VAPB: variants seen among roughly 807,000 people sequenced by gnomAD.
VAPB encodes the protein vesicle-associated membrane protein-associated protein B/C.
VAPB carries 7 observed loss-of-function variants against 25.6 expected under a neutral mutation model. The ratio of observed to expected loss-of-function variants is 0.27; its 90% CI spans 0.16 to 0.51. VAPB has a LOEUF of 0.51. VAPB is among the 20% of genes least tolerant of loss of function. The probability of loss-of-function intolerance (pLI) is 0.97; values close to 1 mark genes in which losing one functional copy is unlikely to be tolerated. For missense variants in VAPB, 266 were observed against 301.3 expected (o/e 0.88, Z 0.87); for synonymous variants, 112 against 109.2 (o/e 1.03, Z -0.16).
chr20:58,396,061 G>A (rs1021438914), intron 1 of VAPB, among the ~76,000 whole-genome samples: 1 of 152,162 alleles, frequency 6.6e-6, no homozygotes, highest in African/African-American at 2.4e-5. Flanking sequence ...GGGTTTGGGG[G>A]TTGGGAAGCA....
At chr20:58,423,216 A>AT (rs1447374497) in intron 2 of VAPB, among the ~76,000 whole-genome samples, 1 of 151,948 alleles carries the variant, frequency 6.6e-6, no homozygotes, top group East Asian at 1.9e-4. Flanking sequence ...ATTCGAGACC[A>AT]TCCTGACCAA....
chr20:58,443,443 C>T (rs1020342662), intron 5 of VAPB, among the ~76,000 whole-genome samples: 4 of 144,998 alleles, frequency 2.8e-5, no homozygotes, highest in Non-Finnish European at 4.5e-5. Context: ...ACTCTGTCAC[C>T]CCAGGCTAAT....
chr20:58,432,952 G>A (rs1228346009), intron 2 of VAPB, among the ~76,000 whole-genome samples: 2 of 152,216 alleles, frequency 1.3e-5, no homozygotes, highest in Non-Finnish European at 2.9e-5. Flanking sequence ...AGGCTTCCTT[G>A]TAGCTCAGGG....
In VAPB at chr20:58,446,978, G is replaced by T. The variant is rs1212638882; in HGVS notation, c.*2743G>T. 1 of 454,122 alleles carries T rather than the reference G, an allele frequency of 2.2e-6. No homozygotes were observed. The highest frequency in any genetic ancestry group is 4.4e-6 in the Non-Finnish European group (1 of 226,788). The allele number at this position is 454,122 out of a possible 1,614,324, so 28.1% of individuals were successfully genotyped here. On this transcript the variant is annotated 3_prime_UTR_variant, in exon 6 of 6. Coordinates refer to ENST00000475243, the MANE Select transcript of VAPB (RefSeq NM_004738.5). The stretch of plus-strand genomic sequence containing the variant: ...ACAACGGCCTGCCCTGCCCCAAGAG[G>T]GTTAAGAGTCAGATAATCGGGACGA...
chr20:58,433,034 C>A lies in VAPB; in HGVS notation c.212-1568C>A, dbSNP rs571388388. On this transcript the variant is annotated intron_variant, in intron 2 of 5. Coordinates refer to ENST00000475243, the MANE Select transcript of VAPB (RefSeq NM_004738.5). ...GACACCAGTGCATTTAAGTCCAATG[C>A]ATGGTTAGGTCTCAGTGGACTTTCT... Among the ~76,000 whole-genome samples the A allele has an allele frequency of 9.2e-5, 14 of 152,340 alleles. No individual in the cohort carries two copies. The South Asian group carries it at 1.9e-3, about 20-fold the overall frequency.
chr20:58,449,810 T>C lies in VAPB; in HGVS notation c.*5575T>C. 2.2e-6 allele frequency: 1 copy of C among 454,104 alleles called. No individual in the cohort carries two copies. Among genetic ancestry groups the C allele is most frequent in the Non-Finnish European group, 4.4e-6 (1 of 226,766 alleles). The allele number at this position is 454,104 out of a possible 1,614,324, so 28.1% of individuals were successfully genotyped here. A position where few individuals can be genotyped will look rare whatever the true frequency, so the allele number is the denominator to read the frequency against. ...CAGGACAGATGCTCGCTTGCTGGCC[T>C]GCTTTCCTGCTTGCATTCTGATGAG... On this transcript the variant is annotated 3_prime_UTR_variant, in exon 6 of 6. Coordinates refer to ENST00000475243, the MANE Select transcript of VAPB (RefSeq NM_004738.5).
In VAPB at chr20:58,427,642, G is replaced by C. The variant is rs547370957; in HGVS notation, c.212-6960G>C. On this transcript the variant is annotated intron_variant, in intron 2 of 5. Transcript: ENST00000475243. Reference sequence around the variant, plus strand: ...TGCAGGTGAAAGTGATCTGTGATCTGTTACCATTATGATGCAGGCAGAAGT... The same window carrying C: ...TGCAGGTGAAAGTGATCTGTGATCTCTTACCATTATGATGCAGGCAGAAGT... 5.3e-5 allele frequency among the ~76,000 whole-genome samples: 8 copies of C among 151,832 alleles called. No homozygotes were observed. The South Asian group carries it at 1.2e-3, about 24-fold the overall frequency.
intron 3 of VAPB, among the ~76,000 whole-genome samples, chr20:58,436,183 T>A (rs1478487222): frequency 6.6e-6 from 1 of 152,168 alleles, no homozygotes; most frequent in African/African-American, 2.4e-5. Context: ...TATGATGATA[T>A]AAGTTTAAAT....
intron 1 of VAPB, among the ~76,000 whole-genome samples, chr20:58,416,253 A>G (rs569685050): frequency 4.6e-4 from 70 of 152,292 alleles, no homozygotes; most frequent in African/African-American, 1.5e-3. Context: ...ATTGCTGTGT[A>G]ATAGCAATTA....
rs1029358646 is a variant in VAPB, at chr20:58,438,851, T to A, written c.316-94T>A. 1.0e-5 allele frequency: 11 copies of A among 1,052,574 alleles called. No individual in the cohort carries two copies. In the African/African-American group the frequency reaches 1.6e-4, roughly 15 times the overall value. The allele number at this position is 1,052,574 out of a possible 1,614,324, so 65.2% of individuals were successfully genotyped here. Reference sequence around the variant, plus strand: ...TTGATATACATCAGGGCTTTCTCATTAAGAGTATTTTTCTGAAATTGTCAG... The same window carrying A: ...TTGATATACATCAGGGCTTTCTCATAAAGAGTATTTTTCTGAAATTGTCAG... On this transcript the variant is annotated intron_variant, in intron 3 of 5. Transcript: ENST00000475243.
chr20:58,420,024 C>T (rs1015277503), intron 2 of VAPB, among the ~76,000 whole-genome samples: 81 of 151,860 alleles, frequency 5.3e-4, no homozygotes, highest in African/African-American at 1.7e-3. Flanking sequence ...CTCACTTTGT[C>T]GCCCAGGCTG....
intron 1 of VAPB, among the ~76,000 whole-genome samples, chr20:58,403,637 G>A (rs1191361063): frequency 1.3e-5 from 2 of 152,150 alleles, no homozygotes; most frequent in Non-Finnish European, 2.9e-5. Flanking sequence ...CTCAGGTTCT[G>A]GCTTCAGTCT....
rs1313801106 is a variant in VAPB, at chr20:58,446,435, C to T, written c.*2200C>T. On this transcript the variant is annotated 3_prime_UTR_variant, in exon 6 of 6. Coordinates refer to ENST00000475243, the MANE Select transcript of VAPB (RefSeq NM_004738.5). ...AGTCCCATTACACTAGAGCAGGGCT[C>T]TATTTATTTTTAAAGGATATGGCCG... is the stretch of plus-strand genomic sequence containing the variant. 1 of 453,892 alleles carries T rather than the reference C, an allele frequency of 2.2e-6. No individual in the cohort carries two copies. Among genetic ancestry groups the T allele is most frequent in the East Asian group, 6.9e-5 (1 of 14,406 alleles). The allele number at this position is 453,892 out of a possible 1,614,324, so 28.1% of individuals were successfully genotyped here.
At position 58,446,411 on chromosome 20, in the gene VAPB, G is replaced by A. The variant is rs1374334605; in HGVS notation, c.*2176G>A. 1.1e-5 allele frequency: 5 copies of A among 453,970 alleles called. No individual in the cohort carries two copies. The highest frequency in any genetic ancestry group is 2.2e-5 in the Non-Finnish European group (5 of 226,792). The allele number at this position is 453,970 out of a possible 1,614,324, so 28.1% of individuals were successfully genotyped here. A position where few individuals can be genotyped will look rare whatever the true frequency, so the allele number is the denominator to read the frequency against. On this transcript the variant is annotated 3_prime_UTR_variant, in exon 6 of 6. Coordinates refer to ENST00000475243, the MANE Select transcript of VAPB (RefSeq NM_004738.5). ...CAACAGTGCCTAGGGGTACAGTACA[G>A]TCCCATTACACTAGAGCAGGGCTCT...
At chr20:58,438,801 AT>A in intron 3 of VAPB, 143 bp from the exon 4 acceptor site, 1 of 679,280 alleles carries the variant, frequency 1.5e-6, no homozygotes, top group Non-Finnish European at 2.5e-6. Flanking sequence ...AAATATTGAA[AT>A]CTCAGCAGAC....
chr20:58,389,350 G>A lies in VAPB; in HGVS notation c.-110G>A. 1 of 546,552 alleles carries A rather than the reference G, an allele frequency of 1.8e-6. No individual in the cohort carries two copies. The highest frequency in any genetic ancestry group is 2.8e-6 in the Non-Finnish European group (1 of 353,754). 33.9% of individuals were successfully genotyped at this position (546,552 alleles called of 1,614,324 possible). A position where few individuals can be genotyped will look rare whatever the true frequency, so the allele number is the denominator to read the frequency against. On this transcript the variant is annotated 5_prime_UTR_variant, in exon 1 of 6. Coordinates refer to ENST00000475243, the MANE Select transcript of VAPB (RefSeq NM_004738.5). ...GGTAGAGGACCCCCGCCCGTGCCCC[G>A]ACCGGTCCCCGCCTTTTTGTAAAAC... is the stretch of plus-strand genomic sequence containing the variant.
Position 58,446,799 on chromosome 20 carries a change from C to G in VAPB, c.*2564C>G, listed in dbSNP as rs1296425917. ...GAAGGTTGATTATTTTCTCAGTCAT[C>G]CTGGCAGCCAAAAATGTGCCAGGAA... is the stretch of plus-strand genomic sequence containing the variant. On this transcript the variant is annotated 3_prime_UTR_variant, in exon 6 of 6. Transcript: ENST00000475243. The G allele has an allele frequency of 2.2e-6, 1 of 454,094 alleles. No individual in the cohort carries two copies. The allele number at this position is 454,094 out of a possible 1,614,324, so 28.1% of individuals were successfully genotyped here.
rs1056678961 is a variant in VAPB at position 58,446,494 on chromosome 20, C to G, written c.*2259C>G. On this transcript the variant is annotated 3_prime_UTR_variant, in exon 6 of 6. Coordinates refer to ENST00000475243, the MANE Select transcript of VAPB (RefSeq NM_004738.5). Reference sequence around the variant, plus strand: ...GATAAAACTTTATTCACAAAAACAGCCGGGTCATGGGATTTGGCTTGTGAG... The same window carrying G: ...GATAAAACTTTATTCACAAAAACAGGCGGGTCATGGGATTTGGCTTGTGAG... 2 of 453,842 alleles carry G rather than the reference C, an allele frequency of 4.4e-6. No homozygotes were observed. The highest frequency in any genetic ancestry group is 4.0e-5 in the African/African-American group (2 of 49,946). 28.1% of individuals were successfully genotyped at this position (453,842 alleles called of 1,614,324 possible). A position where few individuals can be genotyped will look rare whatever the true frequency, so the allele number is the denominator to read the frequency against.
intron 1 of VAPB, among the ~76,000 whole-genome samples, chr20:58,402,134 A>C (rs542067651): frequency 6.6e-5 from 10 of 152,362 alleles, no homozygotes; most frequent in African/African-American, 2.4e-4. Context: ...TGCCAAAAAT[A>C]AAGTTTAAAT....
Sources: gnomAD v4.1 joint callset for allele counts (sites outside exome capture counted in the v4.1 genomes callset) on GRCh38, gnomAD v4.1.1 for gene constraint, MANE v1.5 for transcripts, NCBI Gene and HGNC (gene_info 2026-07-23, HGNC 2026-07-21) for gene names.